Variants in NRG1 observed in about 807,000 individuals in gnomAD.
The protein encoded by NRG1 is pro-neuregulin-1, membrane-bound isoform.
NRG1 carries 18 observed loss-of-function variants against 63.8 expected under a neutral mutation model. That is an observed-to-expected ratio of 0.28 (90% CI 0.19 to 0.42). NRG1 has a LOEUF of 0.42. Among genes scored for constraint, NRG1 ranks in the 10% least tolerant of loss-of-function variants. The pLI is 1.00. For synonymous variants in NRG1, 302 were observed against 301.3 expected, an observed-to-expected ratio of 1.00 and a Z score of -0.02; for missense variants, 762 against 814.7, an observed-to-expected ratio of 0.94 and a Z score of 0.79.
At chr8:32,336,891 T>G (rs941251885) in intron 1 of NRG1, among the ~76,000 whole-genome samples, 1 of 152,190 alleles carries the variant, frequency 6.6e-6, no homozygotes, top group African/African-American at 2.4e-5. Flanking sequence ...ATTACAGGCA[T>G]GAGCCACTGT....
intron 1 of NRG1, among the ~76,000 whole-genome samples, chr8:31,717,300 G>T (rs1343324565): frequency 6.6e-6 from 1 of 151,700 alleles, no homozygotes; most frequent in African/African-American, 2.4e-5. Flanking sequence ...CCTGCTACTC[G>T]GGAGGCTGAG....
At chr8:32,095,115 T>C (rs181341570) in intron 1 of NRG1, among the ~76,000 whole-genome samples, 1 of 152,268 alleles carries the variant, frequency 6.6e-6, no homozygotes, top group East Asian at 1.9e-4. Context: ...TTTCACCATG[T>C]TGGCCAGGAT....
intron 1 of NRG1, among the ~76,000 whole-genome samples, chr8:32,449,302 A>G (rs1820674963): frequency 6.6e-6 from 1 of 151,828 alleles, no homozygotes; most frequent in Admixed American, 6.6e-5. Context: ...GTCTCAAATA[A>G]TAATAATAAT....
At chr8:32,496,395 A>G (rs1827197437) in intron 1 of NRG1, among the ~76,000 whole-genome samples, 1 of 152,164 alleles carries the variant, frequency 6.6e-6, no homozygotes. Flanking sequence ...CAGCCTGGGC[A>G]ATAGAGTGGG....
chr8:32,705,795 A>G (rs1816249670), intron 5 of NRG1, among the ~76,000 whole-genome samples: 1 of 152,230 alleles, frequency 6.6e-6, no homozygotes, highest in Admixed American at 6.5e-5. Flanking sequence ...CAAGGTTGGA[A>G]GATGAATCTT....
intron 1 of NRG1, among the ~76,000 whole-genome samples, chr8:32,561,101 C>T (rs918492731): frequency 1.3e-5 from 2 of 152,152 alleles, no homozygotes; most frequent in African/African-American, 2.4e-5. Flanking sequence ...AAGGTACAAA[C>T]AACAAGGGCA....
chr8:32,766,288 A>G (rs1019747869), exon 12 of NRG1: 1 of 152,166 alleles, frequency 6.6e-6, no homozygotes, highest in Non-Finnish European at 1.5e-5. Context: ...AGTATTTGGT[A>G]TCTCAAATTT....
chr8:32,727,913 G>A, intron 5 of NRG1, 36 bp from the exon 6 acceptor site: 1 of 1,607,954 alleles, frequency 6.2e-7, no homozygotes, highest in Non-Finnish European at 8.5e-7. Flanking sequence ...GGGAAAAAAA[G>A]TCCATGTTAA....
At position 32,614,656 on chromosome 8, in the gene NRG1, C is replaced by T. The variant is rs1847005941; in HGVS notation, c.451+92C>T. On this transcript the variant is annotated intron_variant, in intron 4 of 11. Coordinates refer to ENST00000356819, the Ensembl canonical transcript of NRG1. ...CTACTAATCAGAACCCCTTCTGCAT[C>T]CAGACCTCTCAGCTGCTCTTGTTTT... The T allele has an allele frequency of 5.2e-6, 6 of 1,144,384 alleles. No homozygotes were observed. In the Admixed American group the frequency reaches 8.9e-5, roughly 17 times the overall value. The allele number at this position is 1,144,384 out of a possible 1,614,324, so 70.9% of individuals were successfully genotyped here. A position where few individuals can be genotyped will look rare whatever the true frequency, so the allele number is the denominator to read the frequency against.
intron 1 of NRG1, among the ~76,000 whole-genome samples, chr8:31,863,157 T>C (rs776403): frequency 0.033 from 5,099 of 152,246 alleles, 267 homozygotes; most frequent in African/African-American, 0.12. Flanking sequence ...CCCTGGTACA[T>C]AAAACAAGAG....
At chr8:32,195,903 C>T (rs1465310777) in intron 1 of NRG1, among the ~76,000 whole-genome samples, 1 of 152,112 alleles carries the variant, frequency 6.6e-6, no homozygotes, top group African/African-American at 2.4e-5. Context: ...CCTGGAATGA[C>T]TCAGTGATAT....
At chr8:32,355,936 T>A (rs1012715856) in intron 1 of NRG1, among the ~76,000 whole-genome samples, 5 of 152,024 alleles carry the variant, frequency 3.3e-5, no homozygotes, top group African/African-American at 1.2e-4. Flanking sequence ...CCAATAAAGG[T>A]TGAGACAAGG....
At chr8:31,854,699 A>T (rs1827653502) in intron 1 of NRG1, among the ~76,000 whole-genome samples, 1 of 151,456 alleles carries the variant, frequency 6.6e-6, no homozygotes, top group African/African-American at 2.4e-5. Context: ...TTTAATTGTG[A>T]TGTTAGGGTG....
intron 5 of NRG1, among the ~76,000 whole-genome samples, chr8:32,711,574 G>T (rs777698877): frequency 2.0e-5 from 3 of 152,286 alleles, no homozygotes; most frequent in Non-Finnish European, 4.4e-5. Flanking sequence ...ACACTATGAA[G>T]TTATGCTGTA....
intron 7 of NRG1, chr8:32,751,268 G>T (rs1337167375): frequency 6.6e-6 from 1 of 152,160 alleles, no homozygotes; most frequent in Admixed American, 6.5e-5. Flanking sequence ...ACTCAGAAAG[G>T]TAAGGGCTCT....
chr8:32,193,056 G>A (rs1842643966), intron 1 of NRG1, among the ~76,000 whole-genome samples: 1 of 152,128 alleles, frequency 6.6e-6, no homozygotes, highest in African/African-American at 2.4e-5. Context: ...AATATTTTGA[G>A]TGAATATTTG....
At chr8:32,551,671 A>G (rs1834147459) in intron 1 of NRG1, among the ~76,000 whole-genome samples, 1 of 152,174 alleles carries the variant, frequency 6.6e-6, no homozygotes, top group Non-Finnish European at 1.5e-5. Flanking sequence ...GTTCAACACA[A>G]TTATCTATTC....
intron 1 of NRG1, among the ~76,000 whole-genome samples, chr8:32,518,065 C>G (rs1196141860): frequency 6.6e-6 from 1 of 152,074 alleles, no homozygotes; most frequent in Non-Finnish European, 1.5e-5. Context: ...ATAGAACCAC[C>G]ACCAAATATA....
intron 1 of NRG1, among the ~76,000 whole-genome samples, chr8:32,150,244 A>G (rs1036706334): frequency 1.3e-5 from 2 of 152,248 alleles, no homozygotes; most frequent in Non-Finnish European, 2.9e-5. Context: ...GCCACAATTT[A>G]GTGGAAAATA....
Sources: gnomAD v4.1 joint callset for allele counts (sites outside exome capture counted in the v4.1 genomes callset) on GRCh38, gnomAD v4.1.1 for gene constraint, MANE v1.5 for transcripts, NCBI Gene and HGNC (gene_info 2026-07-23, HGNC 2026-07-21) for gene names.